The following RASGRF2 variants were observed in gnomAD, a reference collection of about 807,000 sequenced individuals.
The protein encoded by RASGRF2 is ras-specific guanine nucleotide-releasing factor 2.
Under a neutral mutation model 151.0 loss-of-function variants are expected in RASGRF2, and 76 were observed. That is an observed-to-expected ratio of 0.50 (90% CI 0.42 to 0.61). The LOEUF is 0.61. Among genes scored for constraint, RASGRF2 ranks in the 20% least tolerant of loss-of-function variants. The pLI is 0.00. For missense variants in RASGRF2, 1,148 were observed against 1,564.6 expected (o/e 0.73, Z 4.49); for synonymous variants, 504 against 566.5 (o/e 0.89, Z 1.57).
At position 81,080,733 on chromosome 5, in the gene RASGRF2, A is replaced by G. The variant is rs1752062807; in HGVS notation, c.1105A>G (p.Asn369Asp). 1 of 1,614,130 alleles carries G rather than the reference A, an allele frequency of 6.2e-7. No individual in the cohort carries two copies. Among genetic ancestry groups the G allele is most frequent in the Admixed American group, 1.7e-5 (1 of 60,014 alleles). Residue 369 changes from asparagine (N) to aspartate (D), a missense_variant, in exon 7 of 27, where the codon AAT becomes GAT. Asn to Asp is a conservative substitution (Grantham distance 23). Coordinates refer to ENST00000265080, the MANE Select transcript of RASGRF2 (RefSeq NM_006909.3). ...CAAACTCTTAAAACAGTATGAAGCC[A>G]ATCCAGCCTGTGAGGGGAGGATGCT... is the stretch of plus-strand genomic sequence containing the variant. Reference protein sequence around the residue: ...FDKLLKQYEANPACEGRMLET... With the variant: ...FDKLLKQYEADPACEGRMLET...
chr5:80,988,982 A>AT (rs552090820), intron 1 of RASGRF2, among the ~76,000 whole-genome samples: 3,899 of 144,346 alleles, frequency 0.027, 142 homozygotes, highest in African/African-American at 0.088. Flanking sequence ...ATCATAATTG[A>AT]TTTTTTTTTT....
chr5:81,222,070 G>T (rs1052311503), intron 26 of RASGRF2, among the ~76,000 whole-genome samples: 1 of 152,144 alleles, frequency 6.6e-6, no homozygotes, highest in African/African-American at 2.4e-5. Context: ...TCTGCCAAAA[G>T]CTCTAGTTCC....
At chr5:81,067,707 GT>G (rs1281557772) in intron 2 of RASGRF2, among the ~76,000 whole-genome samples, 2 of 152,162 alleles carry the variant, frequency 1.3e-5, no homozygotes, top group South Asian at 2.1e-4. Flanking sequence ...AAAGACCTCA[GT>G]TTTTTTGTTA....
At chr5:81,034,203 C>T (rs955084494) in intron 1 of RASGRF2, among the ~76,000 whole-genome samples, 24 of 152,266 alleles carry the variant, frequency 1.6e-4, no homozygotes, top group African/African-American at 5.8e-4. Context: ...AAAAAATGCT[C>T]ACCATCACTG....
At chr5:81,100,637 A>C (rs141917998) in intron 12 of RASGRF2, among the ~76,000 whole-genome samples, 120 of 152,344 alleles carry the variant, frequency 7.9e-4, no homozygotes, top group African/African-American at 2.6e-3. Context: ...AGTGTCATAC[A>C]TAATGGTTTA....
intron 15 of RASGRF2, among the ~76,000 whole-genome samples, chr5:81,122,623 T>C (rs1753340129): frequency 6.6e-6 from 1 of 152,232 alleles, no homozygotes; most frequent in Admixed American, 6.5e-5. Context: ...GCAAAGTAGT[T>C]CTGCTGACAG....
At position 81,229,507 on chromosome 5, in the gene RASGRF2, A is replaced by T. The variant is rs1756066551; in HGVS notation, c.*3737A>T. 6.6e-6 allele frequency: 1 copy of T among 152,250 alleles called. No individual in the cohort carries two copies. The highest frequency in any genetic ancestry group is 6.5e-5 in the Admixed American group (1 of 15,276). The allele number at this position is 152,250 out of a possible 1,614,324, so 9.4% of individuals were successfully genotyped here. ...TAAGATGAGGCAGAGCCAAAATGGAAAACAGTCATTTTGTTGTAGGTATAA... is the reference window on the plus strand; with the variant it reads ...TAAGATGAGGCAGAGCCAAAATGGATAACAGTCATTTTGTTGTAGGTATAA... On this transcript the variant is annotated 3_prime_UTR_variant, in exon 27 of 27. Coordinates refer to ENST00000265080, the MANE Select transcript of RASGRF2 (RefSeq NM_006909.3).
intron 1 of RASGRF2, among the ~76,000 whole-genome samples, chr5:81,021,164 A>G (rs1749812837): frequency 6.6e-6 from 1 of 152,214 alleles, no homozygotes; most frequent in African/African-American, 2.4e-5. Flanking sequence ...CTTGCAGCCT[A>G]TGTAAGATTT....
At chr5:81,129,647 T>C (rs376180865) in intron 17 of RASGRF2, among the ~76,000 whole-genome samples, 2 of 152,316 alleles carry the variant, frequency 1.3e-5, no homozygotes, top group South Asian at 2.1e-4. Context: ...ATCTTGTCGA[T>C]ACAGTTGGCT....
chr5:81,187,412 T>C (rs1386838612), intron 18 of RASGRF2, among the ~76,000 whole-genome samples: 1 of 152,208 alleles, frequency 6.6e-6, no homozygotes, highest in Non-Finnish European at 1.5e-5. Flanking sequence ...GACCCAGCTG[T>C]CAAAATTCCT....
intron 5 of RASGRF2, among the ~76,000 whole-genome samples, chr5:81,079,554 T>G (rs1278258379): frequency 6.6e-6 from 1 of 152,224 alleles, no homozygotes; most frequent in East Asian, 1.9e-4. Flanking sequence ...TTCCTGGCCC[T>G]TTTAGGAATT....
At chr5:80,968,274 C>A (rs1286899515) in intron 1 of RASGRF2, among the ~76,000 whole-genome samples, 1 of 152,166 alleles carries the variant, frequency 6.6e-6, no homozygotes, top group Non-Finnish European at 1.5e-5. Flanking sequence ...TAGAATATTT[C>A]AGGGAATGCC....
chr5:81,015,468 G>T (rs998774548), intron 1 of RASGRF2, among the ~76,000 whole-genome samples: 1 of 152,132 alleles, frequency 6.6e-6, no homozygotes, highest in East Asian at 1.9e-4. Flanking sequence ...AAAAAAAGTT[G>T]TAATTTGGCA....
At chr5:81,116,675 A>G (rs1408135803) in intron 15 of RASGRF2, among the ~76,000 whole-genome samples, 2 of 152,198 alleles carry the variant, frequency 1.3e-5, no homozygotes, top group Non-Finnish European at 2.9e-5. Flanking sequence ...TAATCATTGA[A>G]TAATACCCCA....
At chr5:80,963,360 T>G (rs1747623641) in intron 1 of RASGRF2, among the ~76,000 whole-genome samples, 1 of 152,196 alleles carries the variant, frequency 6.6e-6, no homozygotes, top group Non-Finnish European at 1.5e-5. Context: ...GGTTAGGGCT[T>G]GAAACAGGAC....
chr5:81,126,508 A>G (rs1054877532), intron 16 of RASGRF2, among the ~76,000 whole-genome samples: 13 of 152,186 alleles, frequency 8.5e-5, no homozygotes, highest in Admixed American at 3.3e-4. Flanking sequence ...TCACCCAGAA[A>G]GAAACCCTAT....
intron 1 of RASGRF2, among the ~76,000 whole-genome samples, chr5:81,008,206 A>T (rs1193108501): frequency 8.0e-6 from 1 of 125,454 alleles, no homozygotes; most frequent in African/African-American, 3.1e-5. Context: ...GCTGGAGTGC[A>T]GTGGCACAAT....
At position 81,078,186 on chromosome 5, in the gene RASGRF2, TA is replaced by T. The variant is rs527504295; in HGVS notation, c.888-1931del. On this transcript the variant is annotated intron_variant, in intron 5 of 26. Transcript: ENST00000265080. ...TATAGTTTGATATAAGCATATGATG[TA>T]AAATGATCAAATGTGGGTAATTGAG... Among the ~76,000 whole-genome samples, 493 of 152,360 alleles carry T rather than the reference TA, an allele frequency of 3.2e-3. 2 individuals are homozygous for T. Among genetic ancestry groups the T allele is most frequent in the Middle Eastern group, 6.8e-3 (2 of 294 alleles).
At chr5:81,006,241 G>A (rs1749265902) in intron 1 of RASGRF2, among the ~76,000 whole-genome samples, 1 of 152,096 alleles carries the variant, frequency 6.6e-6, no homozygotes, top group African/African-American at 2.4e-5. Flanking sequence ...CCTTTAGGTT[G>A]TTTAGTTGTT....
Sources: gnomAD v4.1 joint callset for allele counts (sites outside exome capture counted in the v4.1 genomes callset) on GRCh38, gnomAD v4.1.1 for gene constraint, MANE v1.5 for transcripts, NCBI Gene and HGNC (gene_info 2026-07-23, HGNC 2026-07-21) for gene names.